The following PLEKHD1 variants were observed in gnomAD, a reference collection of about 807,000 sequenced individuals.
PLEKHD1 encodes the protein pleckstrin homology domain-containing family D member 1.
In PLEKHD1, 51 loss-of-function variants were observed where a neutral mutation model predicts 69.2. The observed-to-expected ratio is 0.74, with a 90% CI of 0.59 to 0.93. The LOEUF (loss-of-function observed/expected upper bound fraction) is 0.93, where lower values mean the gene tolerates loss of function less well. Among genes scored for constraint, PLEKHD1 ranks in the 40% least tolerant of loss-of-function variants. The probability of loss-of-function intolerance (pLI) is 0.00; values close to 1 mark genes in which losing one functional copy is unlikely to be tolerated. For synonymous variants in PLEKHD1, 236 were observed against 244.7 expected (o/e 0.96, Z 0.33); for missense variants, 584 against 641.0 (o/e 0.91, Z 0.96).
intron 6 of PLEKHD1, among the ~76,000 whole-genome samples, chr14:69,506,891 C>CTTTTTTTTGTTTTTTTTT (rs1883162653): frequency 1.3e-5 from 1 of 78,062 alleles, no homozygotes; most frequent in Non-Finnish European, 2.3e-5. Context: ...CTGGCAACTG[C>CTTTTTTTTGTTTTTTTTT]TTTTTTTTTT....
chr14:69,485,872 C>G (rs915827009), intron 1 of PLEKHD1, among the ~76,000 whole-genome samples: 5 of 152,190 alleles, frequency 3.3e-5, no homozygotes, highest in Non-Finnish European at 5.9e-5. Flanking sequence ...CCCCAGCTGC[C>G]TGGTCCCCAA....
chr14:69,510,766 T>G (rs1174892854), intron 6 of PLEKHD1, among the ~76,000 whole-genome samples: 4 of 152,214 alleles, frequency 2.6e-5, no homozygotes, highest in Admixed American at 2.0e-4. Flanking sequence ...TCTGATTGTG[T>G]TAGTTAGGAA....
chr14:69,484,872 G>T lies in PLEKHD1; in HGVS notation c.-94G>T, dbSNP rs1882618196. 1.4e-6 allele frequency: 2 copies of T among 1,409,232 alleles called. No individual in the cohort carries two copies. The highest frequency in any genetic ancestry group is 1.9e-6 in the Non-Finnish European group (2 of 1,047,300). The allele number at this position is 1,409,232 out of a possible 1,614,324, so 87.3% of individuals were successfully genotyped here. A position where few individuals can be genotyped will look rare whatever the true frequency, so the allele number is the denominator to read the frequency against. Reference sequence around the variant, plus strand: ...GCTCTGCTTCTCTGCTCGCTGGGACGCTCTCCGACGGCTCCGCCCTCGCCT... The same window carrying T: ...GCTCTGCTTCTCTGCTCGCTGGGACTCTCTCCGACGGCTCCGCCCTCGCCT... On this transcript the variant is annotated 5_prime_UTR_variant, in exon 1 of 13. Transcript: ENST00000322564.
the PLEKHD1 span, among the ~76,000 whole-genome samples, chr14:69,475,260 C>G: frequency 6.6e-6 from 1 of 152,326 alleles, no homozygotes; most frequent in African/African-American, 2.4e-5. Flanking sequence ...ACATATCTGC[C>G]TCTTACCATT....
At chr14:69,510,673 A>C (rs555448546) in intron 6 of PLEKHD1, among the ~76,000 whole-genome samples, 3 of 152,338 alleles carry the variant, frequency 2.0e-5, no homozygotes, top group African/African-American at 7.2e-5. Flanking sequence ...CAGATTTTCT[A>C]TATAGACAAT....
chr14:69,479,680 A>G, the PLEKHD1 span, among the ~76,000 whole-genome samples: 1 of 152,270 alleles, frequency 6.6e-6, no homozygotes, highest in East Asian at 1.9e-4. Context: ...TTGGACATGA[A>G]GCAAGTTGAG....
chr14:69,521,377 C>T (rs1378272471), intron 6 of PLEKHD1, among the ~76,000 whole-genome samples: 3 of 152,182 alleles, frequency 2.0e-5, no homozygotes. Flanking sequence ...CTCCTCAAAG[C>T]CCATGGCAAC....
intron 5 of PLEKHD1, chr14:69,502,562 T>C: frequency 2.0e-6 from 1 of 489,208 alleles, no homozygotes. Context: ...GCAGCAGGCC[T>C]GGGGGATGCA....
chr14:69,484,801 C>G lies in PLEKHD1; in HGVS notation c.-165C>G. The G allele has an allele frequency of 1.3e-6, 1 of 744,702 alleles. No individual in the cohort carries two copies. The highest frequency in any genetic ancestry group is 2.1e-5 in the South Asian group (1 of 46,700). The allele number at this position is 744,702 out of a possible 1,614,324, so 46.1% of individuals were successfully genotyped here. On this transcript the variant is annotated 5_prime_UTR_variant, in exon 1 of 13. Coordinates refer to ENST00000322564, the MANE Select transcript of PLEKHD1 (RefSeq NM_001161498.2). ...CGCGCCCTGCGCCCCCTTGGTGCCG[C>G]GTCCAGTGCCCAGCGCGCTTTGATG... is the stretch of plus-strand genomic sequence containing the variant.
chr14:69,498,452 T>C (rs17764256), intron 1 of PLEKHD1, among the ~76,000 whole-genome samples: 34,132 of 152,026 alleles, frequency 0.22, 3,998 homozygotes, highest in South Asian at 0.29. Flanking sequence ...AGCTTCACTT[T>C]CCTCAGATGG....
At chr14:69,511,154 T>A (rs1883262387) in intron 6 of PLEKHD1, among the ~76,000 whole-genome samples, 1 of 152,136 alleles carries the variant, frequency 6.6e-6, no homozygotes, top group African/African-American at 2.4e-5. Flanking sequence ...TTTGTTTGTT[T>A]GTTTGTTGTT....
chr14:69,507,801 TG>T (rs1434868487), intron 6 of PLEKHD1, among the ~76,000 whole-genome samples: 1 of 152,190 alleles, frequency 6.6e-6, no homozygotes, highest in Non-Finnish European at 1.5e-5. Flanking sequence ...CTTGAATTCC[TG>T]GGTTTAAGAG....
chr14:69,481,336 A>C (rs538193400), upstream of PLEKHD1, among the ~76,000 whole-genome samples: 16 of 152,264 alleles, frequency 1.1e-4, no homozygotes, highest in Admixed American at 2.6e-4. Flanking sequence ...ACAACAACAA[A>C]AAAATATGTT....
intron 6 of PLEKHD1, among the ~76,000 whole-genome samples, chr14:69,508,659 A>G (rs1883205771): frequency 6.6e-6 from 1 of 152,216 alleles, no homozygotes; most frequent in Non-Finnish European, 1.5e-5. Flanking sequence ...CTAAAAGACA[A>G]GAGACGAAAG....
intron 1 of PLEKHD1, among the ~76,000 whole-genome samples, chr14:69,499,732 C>A (rs556826244): frequency 1.5e-4 from 23 of 152,240 alleles, no homozygotes; most frequent in African/African-American, 4.6e-4. Context: ...CATCTTCTTG[C>A]GTTCCTTTTC....
intron 10 of PLEKHD1, 101 bp from the exon 11 acceptor site, chr14:69,527,087 C>A: frequency 7.3e-7 from 1 of 1,377,510 alleles, no homozygotes. Flanking sequence ...AACTCCCATC[C>A]ACGCCCATTG....
At chr14:69,480,127 G>T (rs1882516685), upstream of PLEKHD1, among the ~76,000 whole-genome samples, 1 of 152,246 alleles carries the variant, frequency 6.6e-6, no homozygotes, top group South Asian at 2.1e-4. Context: ...GATGGACAAA[G>T]ATCCACGGGA....
Position 69,531,192 on chromosome 14 carries a change from C to A in PLEKHD1, c.*2773C>A, listed in dbSNP as rs760516547. On this transcript the variant is annotated 3_prime_UTR_variant, in exon 13 of 13. Transcript: ENST00000322564. ...AATCAAATTTCTTTTTTTAATCCTG[C>A]AAACTACTGGGATAGTAATTAAATT... The A allele has an allele frequency of 2.0e-5, 3 of 151,876 alleles. No individual in the cohort carries two copies. Among genetic ancestry groups the A allele is most frequent in the Non-Finnish European group, 4.4e-5 (3 of 67,976 alleles). The allele number at this position is 151,876 out of a possible 1,614,324, so 9.4% of individuals were successfully genotyped here.
chr14:69,492,497 C>T (rs757407672), intron 1 of PLEKHD1, among the ~76,000 whole-genome samples: 5 of 152,220 alleles, frequency 3.3e-5, no homozygotes, highest in Admixed American at 6.5e-5. Flanking sequence ...TGGTATGCTA[C>T]GATGTTGCAG....
Sources: allele counts gnomAD v4.1 joint callset (sites outside exome capture counted in the v4.1 genomes callset), GRCh38; gene constraint gnomAD v4.1.1; transcripts MANE v1.5; gene names NCBI Gene and HGNC (gene_info 2026-07-23, HGNC 2026-07-21).